IL1RAPL2: variants seen among roughly 807,000 people sequenced by gnomAD.
IL1RAPL2 encodes the protein X-linked interleukin-1 receptor accessory protein-like 2.
Under a neutral mutation model 44.1 loss-of-function variants are expected in IL1RAPL2, and 3 were observed. That is an observed-to-expected ratio of 0.07 (90% confidence interval 0.03 to 0.18). The LOEUF (loss-of-function observed/expected upper bound fraction) is 0.18, where lower values mean the gene tolerates loss of function less well. IL1RAPL2 is among the 10% of genes least tolerant of loss of function. The probability of loss-of-function intolerance (pLI) is 1.00; values close to 1 mark genes in which losing one functional copy is unlikely to be tolerated. For synonymous variants in IL1RAPL2, 181 were observed against 178.8 expected, an observed-to-expected ratio of 1.01 and a Z score of -0.10; for missense variants, 391 against 496.4, an observed-to-expected ratio of 0.79 and a Z score of 2.02.
At chrX:105,117,427 C>T (rs753960064) in intron 2 of IL1RAPL2, among the ~76,000 whole-genome samples, 10 of 111,880 alleles carry the variant, frequency 8.9e-5, no homozygotes, top group African/African-American at 2.9e-4. Flanking sequence ...AAACAAGTTG[C>T]TTTCCCAGAG....
chrX:104,722,117 G>A (rs1043812679), intron 2 of IL1RAPL2, among the ~76,000 whole-genome samples: 2 of 110,681 alleles, frequency 1.8e-5, no homozygotes, highest in African/African-American at 3.3e-5. Flanking sequence ...CATAGCAGAG[G>A]TAATAAAACA....
intron 2 of IL1RAPL2, among the ~76,000 whole-genome samples, chrX:104,947,826 A>G (rs1369619565): frequency 8.9e-6 from 1 of 111,941 alleles, no homozygotes; most frequent in Non-Finnish European, 1.9e-5. Context: ...GTAGCCTTGT[A>G]GTATAGTTTG....
At chrX:105,615,012 G>T (rs757124175) in intron 6 of IL1RAPL2, among the ~76,000 whole-genome samples, 3 of 111,496 alleles carry the variant, frequency 2.7e-5, no homozygotes, top group African/African-American at 3.3e-5. Flanking sequence ...ACTAAAATTG[G>T]ACAAAAGATA....
At chrX:104,914,989 A>G (rs1266117426) in intron 2 of IL1RAPL2, among the ~76,000 whole-genome samples, 1 of 111,604 alleles carries the variant, frequency 9.0e-6, no homozygotes, top group Non-Finnish European at 1.9e-5. Context: ...GGTTGGTTCC[A>G]AGTCTTTGCT....
intron 2 of IL1RAPL2, among the ~76,000 whole-genome samples, chrX:105,154,457 C>T (rs1477036482): frequency 9.0e-6 from 1 of 111,423 alleles, no homozygotes; most frequent in Non-Finnish European, 1.9e-5. Context: ...TAGCCTGTGT[C>T]CCATTTTGTC....
chrX:104,940,169 G>C (rs954025143), intron 2 of IL1RAPL2, among the ~76,000 whole-genome samples: 3 of 111,660 alleles, frequency 2.7e-5, no homozygotes, highest in Non-Finnish European at 3.8e-5. Flanking sequence ...ACAAATATCC[G>C]TAAGTTCCTC....
intron 5 of IL1RAPL2, among the ~76,000 whole-genome samples, chrX:105,447,364 A>AATATAAAT (rs1392716212): frequency 7.8e-5 from 5 of 64,153 alleles, no homozygotes; most frequent in East Asian, 5.0e-4. Context: ...TAAATATATA[A>AATATAAAT]ATATAAATAT....
At chrX:105,192,558 C>G (rs1184036985) in intron 2 of IL1RAPL2, among the ~76,000 whole-genome samples, 6 of 111,621 alleles carry the variant, frequency 5.4e-5, no homozygotes, top group Non-Finnish European at 1.1e-4. Flanking sequence ...TTGTTGGAAT[C>G]TAGTAGGGGT....
chrX:104,587,572 G>C (rs1331746825), intron 1 of IL1RAPL2, among the ~76,000 whole-genome samples: 2 of 112,201 alleles, frequency 1.8e-5, no homozygotes, highest in African/African-American at 6.5e-5. Flanking sequence ...CTTCTCTACT[G>C]TATATATCTA....
chrX:104,582,729 CTCCCTT>C (rs1333181990), intron 1 of IL1RAPL2, among the ~76,000 whole-genome samples: 1 of 83,956 alleles, frequency 1.2e-5, no homozygotes, highest in African/African-American at 4.7e-5. Context: ...TTCTCTCTCT[CTCCCTT>C]CCTTCCTTCC....
chrX:105,655,865 T>C lies in IL1RAPL2; in HGVS notation c.773-61502T>C, dbSNP rs140031033. 9.0e-3 allele frequency among the ~76,000 whole-genome samples: 1,006 copies of C among 111,988 alleles called. 10 individuals are homozygous for C. Among genetic ancestry groups the C allele is most frequent in the Non-Finnish European group, 0.014 (763 of 53,168 alleles). On this transcript the variant is annotated intron_variant, in intron 6 of 10. Coordinates refer to ENST00000372582, the MANE Select transcript of IL1RAPL2 (RefSeq NM_017416.2). ...GGTACATAGGAGGTATGTATATTTA[T>C]GGAGTAAATGAGATGTTTTTATACA...
At chrX:104,816,701 C>A (rs1921145952) in intron 2 of IL1RAPL2, among the ~76,000 whole-genome samples, 2 of 111,676 alleles carry the variant, frequency 1.8e-5, no homozygotes, top group Admixed American at 1.9e-4. Flanking sequence ...AGGTATAGCC[C>A]AATGGTTAAA....
chrX:105,732,359 T>A (rs947793156), intron 7 of IL1RAPL2, among the ~76,000 whole-genome samples: 1 of 110,498 alleles, frequency 9.0e-6, no homozygotes, highest in African/African-American at 3.3e-5. Context: ...ATCATGGGAG[T>A]GGTCCTTCAT....
chrX:105,578,258 G>T (rs2037065158), intron 6 of IL1RAPL2, among the ~76,000 whole-genome samples: 1 of 110,851 alleles, frequency 9.0e-6, no homozygotes, highest in African/African-American at 3.3e-5. Flanking sequence ...TCACATTGGG[G>T]ATAGTTTGTA....
At chrX:105,115,803 G>A (rs1324445332) in intron 2 of IL1RAPL2, among the ~76,000 whole-genome samples, 5 of 112,825 alleles carry the variant, frequency 4.4e-5, no homozygotes, top group Non-Finnish European at 9.4e-5. Context: ...AGCAGAGAGC[G>A]GCGCTCGTCC....
intron 6 of IL1RAPL2, among the ~76,000 whole-genome samples, chrX:105,610,240 C>A (rs181661357): frequency 8.9e-6 from 1 of 111,882 alleles, no homozygotes; most frequent in African/African-American, 3.2e-5. Flanking sequence ...TTATTTTGTT[C>A]ACTTATTTTA....
At chrX:104,957,976 C>T (rs1602852969) in intron 2 of IL1RAPL2, among the ~76,000 whole-genome samples, 1 of 111,303 alleles carries the variant, frequency 9.0e-6, no homozygotes, top group East Asian at 2.8e-4. Flanking sequence ...CCTGTAGTCT[C>T]ATCTACTCAG....
At chrX:105,082,586 A>G (rs1205814874) in intron 2 of IL1RAPL2, among the ~76,000 whole-genome samples, 2 of 111,157 alleles carry the variant, frequency 1.8e-5, no homozygotes, top group Non-Finnish European at 3.8e-5. Flanking sequence ...CTCTGGGTTG[A>G]AGCTTCTAGA....
At chrX:105,693,332 C>T (rs778816538) in intron 6 of IL1RAPL2, among the ~76,000 whole-genome samples, 6 of 111,440 alleles carry the variant, frequency 5.4e-5, no homozygotes, top group South Asian at 3.9e-4. Flanking sequence ...GTCATGGGGG[C>T]GAATCCCTCG....
Sources: gnomAD v4.1 joint callset for allele counts (sites outside exome capture counted in the v4.1 genomes callset) on GRCh38, gnomAD v4.1.1 for gene constraint, MANE v1.5 for transcripts, NCBI Gene and HGNC (gene_info 2026-07-23, HGNC 2026-07-21) for gene names.